The following TBCK variants were observed in gnomAD, a reference collection of about 807,000 sequenced individuals.
The protein encoded by TBCK is TBC1 domain containing kinase, also known as TBC domain-containing protein kinase-like protein.
Under a neutral mutation model 113.4 loss-of-function variants are expected in TBCK, and 99 were observed. The ratio of observed to expected loss-of-function variants is 0.87; its 90% confidence interval spans 0.74 to 1.03. TBCK has a LOEUF of 1.03. TBCK is among the 50% of genes least tolerant of loss of function. The pLI is 0.00. For missense variants in TBCK, 1,045 were observed against 1,061.3 expected, an observed-to-expected ratio of 0.98 and a Z score of 0.21; for synonymous variants, 369 against 370.8, an observed-to-expected ratio of 1.00 and a Z score of 0.05.
intron 25 of TBCK, among the ~76,000 whole-genome samples, chr4:106,078,531 A>G (rs1206552862): frequency 1.3e-5 from 2 of 152,176 alleles, no homozygotes; most frequent in East Asian, 3.8e-4. Flanking sequence ...TAGGAAATCT[A>G]GAAGACATTG....
chr4:106,122,225 C>T (rs1744496493), intron 23 of TBCK, among the ~76,000 whole-genome samples: 2 of 151,828 alleles, frequency 1.3e-5, no homozygotes, highest in African/African-American at 4.8e-5. Context: ...TACAAACTAC[C>T]ATCAGAGAAT....
intron 3 of TBCK, among the ~76,000 whole-genome samples, chr4:106,273,855 G>A (rs1029719487): frequency 1.3e-4 from 20 of 152,184 alleles, no homozygotes; most frequent in South Asian, 2.1e-4. Flanking sequence ...GAGAATAAAC[G>A]TCTGTTATTT....
chr4:106,300,760 T>G (rs1178020882), intron 2 of TBCK, among the ~76,000 whole-genome samples: 1 of 152,162 alleles, frequency 6.6e-6, no homozygotes, highest in African/African-American at 2.4e-5. Context: ...GAAATTATCC[T>G]AGATAATCAG....
intron 1 of TBCK, among the ~76,000 whole-genome samples, chr4:106,312,728 T>C (rs1223223134): frequency 2.0e-5 from 3 of 152,170 alleles, no homozygotes; most frequent in Non-Finnish European, 4.4e-5. Flanking sequence ...ATTAACATAT[T>C]TGTACCATGA....
At chr4:106,127,204 C>T (rs1387451909) in intron 23 of TBCK, among the ~76,000 whole-genome samples, 9 of 72,860 alleles carry the variant, frequency 1.2e-4, no homozygotes, top group African/African-American at 4.5e-4. Context: ...AAGACTCCGT[C>T]TCAAAAAAAA....
intron 20 of TBCK, among the ~76,000 whole-genome samples, chr4:106,202,646 C>T (rs964678815): frequency 6.6e-6 from 1 of 151,948 alleles, no homozygotes; most frequent in Non-Finnish European, 1.5e-5. Flanking sequence ...AAAAAGATAG[C>T]AACAGTTTAA....
rs374319146 is a variant in TBCK at position 106,194,717 on chromosome 4, C to T, written c.1897+1G>A. On this transcript the variant is annotated splice_donor_variant, in intron 21 of 25. Transcript: ENST00000394708. LOFTEE classifies it high-confidence loss of function. Reference sequence around the variant, plus strand: ...AAAAAACCGGGGGAAGTCATACTTACGAGTAAACATGGTAAGAAACCAAGG... The same window carrying T: ...AAAAAACCGGGGGAAGTCATACTTATGAGTAAACATGGTAAGAAACCAAGG... 17 of 1,590,260 alleles carry T rather than the reference C, an allele frequency of 1.1e-5. No individual in the cohort carries two copies. Among genetic ancestry groups the T allele is most frequent in the Admixed American group, 7.3e-5 (4 of 54,728 alleles).
chr4:106,130,548 T>G (rs1473343747), intron 23 of TBCK, among the ~76,000 whole-genome samples: 2 of 151,242 alleles, frequency 1.3e-5, no homozygotes, highest in African/African-American at 4.9e-5. Context: ...AAAAAGACCC[T>G]GTAATACTAT....
At position 106,046,665 on chromosome 4, in the gene TBCK, C is replaced by T; in HGVS notation, c.2587G>A (p.Val863Met). ...KHTAEFAAHL[V>M]KMKYPRICIL... is the part of the protein sequence containing the mutation. Reference sequence around the variant, plus strand: ...CAGATTCTTGGATATTTCATCTTCACAAGGTGAGCTGCAAACTGGAAAAAA... The same window carrying T: ...CAGATTCTTGGATATTTCATCTTCATAAGGTGAGCTGCAAACTGGAAAAAA... Residue 863 changes from valine (V) to methionine (M), a missense_variant, in exon 26 of 26, where the codon GTG becomes ATG. Coordinates refer to ENST00000394708, the MANE Select transcript of TBCK (RefSeq NM_001163435.3). 1 of 1,606,842 alleles carries T rather than the reference C, an allele frequency of 6.2e-7. No homozygotes were observed. The highest frequency in any genetic ancestry group is 8.5e-7 in the Non-Finnish European group (1 of 1,174,674).
At chr4:106,276,317 G>A (rs1405181590) in intron 3 of TBCK, among the ~76,000 whole-genome samples, 1 of 152,154 alleles carries the variant, frequency 6.6e-6, no homozygotes, top group Non-Finnish European at 1.5e-5. Context: ...TAAAATATGG[G>A]AATATCTTCA....
intron 3 of TBCK, 119 bp from the exon 4 acceptor site, chr4:106,262,331 T>C: frequency 5.6e-6 from 3 of 538,080 alleles, no homozygotes; most frequent in Non-Finnish European, 9.9e-6. Context: ...GCTCCTCTTT[T>C]ATTCTGAGAA....
chr4:106,236,684 A>C, intron 13 of TBCK, 75 bp downstream of exon 13: 1 of 1,040,788 alleles, frequency 9.6e-7, no homozygotes. Flanking sequence ...TTTTCAAAGA[A>C]AATGTATAAA....
intron 24 of TBCK, among the ~76,000 whole-genome samples, chr4:106,108,380 C>A (rs1742428430): frequency 1.3e-5 from 2 of 152,184 alleles, no homozygotes; most frequent in South Asian, 4.1e-4. Context: ...TAAACTGAAT[C>A]CAGCAGCACA....
intron 7 of TBCK, among the ~76,000 whole-genome samples, chr4:106,249,453 G>A (rs1560906947): frequency 6.6e-6 from 1 of 152,188 alleles, no homozygotes. Context: ...CTGTGGGGCT[G>A]ACTGTGGAAC....
intron 19 of TBCK, among the ~76,000 whole-genome samples, chr4:106,225,865 T>C (rs1403852656): frequency 1.3e-5 from 2 of 152,116 alleles, no homozygotes; most frequent in Non-Finnish European, 1.5e-5. Flanking sequence ...AGTATGCCTT[T>C]TAAAAGTGTG....
Position 106,309,045 on chromosome 4 carries a change from C to G in TBCK, c.-29-56G>C. 2.5e-6 allele frequency: 3 copies of G among 1,184,296 alleles called. No individual in the cohort carries two copies. In the South Asian group the frequency reaches 4.8e-5, roughly 19 times the overall value. The allele number at this position is 1,184,296 out of a possible 1,614,324, so 73.4% of individuals were successfully genotyped here. ...AAACATTAAGCCAGACAGACCAAAT[C>G]TTAAGCATGATTAACATACAACTTG... is the stretch of plus-strand genomic sequence containing the variant. On this transcript the variant is annotated intron_variant, in intron 1 of 25. Coordinates refer to ENST00000394708, the MANE Select transcript of TBCK (RefSeq NM_001163435.3).
At chr4:106,279,877 A>C (rs1048953852) in intron 3 of TBCK, among the ~76,000 whole-genome samples, 3 of 152,172 alleles carry the variant, frequency 2.0e-5, no homozygotes, top group Admixed American at 6.5e-5. Context: ...TATTGTGAAC[A>C]GTGCTGCAAC....
intron 24 of TBCK, among the ~76,000 whole-genome samples, chr4:106,104,548 C>G (rs1228868015): frequency 2.7e-5 from 4 of 145,800 alleles, no homozygotes; most frequent in African/African-American, 1.0e-4. Context: ...GGGTCTCCAG[C>G]CACTTTGTAC....
chr4:106,265,243 T>C (rs944560558), intron 3 of TBCK, among the ~76,000 whole-genome samples: 1 of 151,948 alleles, frequency 6.6e-6, no homozygotes, highest in Non-Finnish European at 1.5e-5. Flanking sequence ...ACTATTTTTT[T>C]AATTTAATTT....
Sources: allele counts gnomAD v4.1 joint callset (sites outside exome capture counted in the v4.1 genomes callset), GRCh38; gene constraint gnomAD v4.1.1; transcripts MANE v1.5; gene names NCBI Gene and HGNC (gene_info 2026-07-23, HGNC 2026-07-21).